HS6ST2: variants seen among roughly 807,000 people sequenced by gnomAD.
HS6ST2 encodes heparan-sulfate 6-O-sulfotransferase 2.
Under a neutral mutation model 33.0 loss-of-function variants are expected in HS6ST2, and 17 were observed. That is an observed-to-expected ratio of 0.52 (90% CI 0.35 to 0.77). HS6ST2 has a LOEUF of 0.77. Among genes scored for constraint, HS6ST2 ranks in the 30% least tolerant of loss-of-function variants. The probability of loss-of-function intolerance (pLI) is 0.01; values close to 1 mark genes in which losing one functional copy is unlikely to be tolerated. For synonymous variants in HS6ST2, 248 were observed against 237.1 expected (o/e 1.05, Z -0.42); for missense variants, 519 against 551.7 (o/e 0.94, Z 0.59).
chrX:132,947,230 C>T (rs778129330), intron 2 of HS6ST2, among the ~76,000 whole-genome samples: 16 of 106,536 alleles, frequency 1.5e-4, no homozygotes, highest in African/African-American at 4.4e-4. Flanking sequence ...TGTGTGTGTG[C>T]GTGTATGTGT....
At chrX:132,650,318 G>A (rs984196977) in intron 4 of HS6ST2, among the ~76,000 whole-genome samples, 26 of 111,156 alleles carry the variant, frequency 2.3e-4, no homozygotes, top group African/African-American at 8.5e-4. Context: ...AGAACAGTAT[G>A]AGCCAAGGTA....
intron 4 of HS6ST2, 128 bp from the exon 5 acceptor site, chrX:132,629,221 T>TTACA: frequency 1.4e-6 from 1 of 735,390 alleles, no homozygotes; most frequent in Admixed American, 3.4e-5. Flanking sequence ...AGGGATCTGA[T>TTACA]GGCATTTGTC....
At chrX:132,922,545 C>G (rs1479386766) in intron 2 of HS6ST2, among the ~76,000 whole-genome samples, 1 of 111,874 alleles carries the variant, frequency 8.9e-6, no homozygotes, top group Non-Finnish European at 1.9e-5. Context: ...AAGAGTTAAA[C>G]TCTGTAAGAT....
At chrX:132,699,716 T>C (rs2064128851) in intron 3 of HS6ST2, among the ~76,000 whole-genome samples, 1 of 112,060 alleles carries the variant, frequency 8.9e-6, no homozygotes, top group Admixed American at 9.5e-5. Context: ...AAGTGGATTA[T>C]GGTCTAAAAG....
At chrX:132,932,286 C>A (rs1288062233) in intron 2 of HS6ST2, among the ~76,000 whole-genome samples, 1 of 110,643 alleles carries the variant, frequency 9.0e-6, no homozygotes, top group South Asian at 3.9e-4. Context: ...CAGCAATCAC[C>A]CAACAATTAG....
Position 132,633,092 on chromosome X carries a change from A to G in HS6ST2, c.1068-3999T>C, listed in dbSNP as rs2063529942. Among the ~76,000 whole-genome samples the G allele has an allele frequency of 3.7e-5, 4 of 108,067 alleles. No individual in the cohort carries two copies. In the South Asian group the frequency reaches 1.7e-3, roughly 45 times the overall value. The allele number at this position is 108,067 out of a possible 115,157, so 93.8% of individuals were successfully genotyped here. On this transcript the variant is annotated intron_variant, in intron 4 of 4. Transcript: ENST00000370833. ...GACTCCATCTCAAAAAAAAAAAAAA[A>G]AAAATGAGTCAAGGAGAGAGGAAAG...
rs1315491543 is a variant in HS6ST2 at position 132,649,711 on chromosome X, A to G, written c.1067+19402T>C. On this transcript the variant is annotated intron_variant, in intron 4 of 4. Transcript: ENST00000370833. ...TGTGTCTACTAAAAATACAAAAATTAGCTGGGCGCAGTGGCGGCCACCTGT... is the reference window on the plus strand; with the variant it reads ...TGTGTCTACTAAAAATACAAAAATTGGCTGGGCGCAGTGGCGGCCACCTGT... Among the ~76,000 whole-genome samples the G allele has an allele frequency of 2.7e-5, 3 of 111,277 alleles. No homozygotes were observed. In the Admixed American group the frequency reaches 2.9e-4, roughly 11 times the overall value.
At chrX:132,731,629 C>T (rs1375024612) in intron 2 of HS6ST2, among the ~76,000 whole-genome samples, 12 of 111,786 alleles carry the variant, frequency 1.1e-4, no homozygotes, top group African/African-American at 2.6e-4. Context: ...GGGCGGATCA[C>T]GAGGTCAGGA....
intron 2 of HS6ST2, among the ~76,000 whole-genome samples, chrX:132,719,557 C>A (rs1367290466): frequency 9.0e-6 from 1 of 111,657 alleles, no homozygotes; most frequent in African/African-American, 3.3e-5. Context: ...CAAGGTCATG[C>A]ATCTAAGACA....
intron 2 of HS6ST2, among the ~76,000 whole-genome samples, chrX:132,829,197 T>TAC (rs1158040792): frequency 3.2e-4 from 16 of 50,264 alleles, no homozygotes; most frequent in Middle Eastern, 0.011. Context: ...TATATATATA[T>TAC]ATACATACTT....
intron 2 of HS6ST2, among the ~76,000 whole-genome samples, chrX:132,896,192 C>T (rs1223399476): frequency 1.8e-5 from 2 of 110,628 alleles, no homozygotes; most frequent in African/African-American, 3.3e-5. Flanking sequence ...AAGAATGAGC[C>T]GGGAGTGTTG....
intron 2 of HS6ST2, among the ~76,000 whole-genome samples, chrX:132,891,363 G>C (rs1810151256): frequency 1.0e-5 from 1 of 96,284 alleles, no homozygotes; most frequent in Non-Finnish European, 2.1e-5. Flanking sequence ...TTAACTGAAA[G>C]AACAAAAGTT....
chrX:132,656,124 T>C (rs946477326), intron 4 of HS6ST2, among the ~76,000 whole-genome samples: 16 of 111,939 alleles, frequency 1.4e-4, no homozygotes, highest in African/African-American at 5.2e-4. Flanking sequence ...CTCCAAGTGT[T>C]TCAGATTCAG....
intron 2 of HS6ST2, among the ~76,000 whole-genome samples, chrX:132,872,109 A>G (rs1429313190): frequency 9.0e-6 from 1 of 111,097 alleles, no homozygotes; most frequent in African/African-American, 3.3e-5. Context: ...TTCCAGTATT[A>G]TTCTGGGGCA....
intron 2 of HS6ST2, among the ~76,000 whole-genome samples, chrX:132,823,725 C>G (rs749208665): frequency 1.9e-3 from 198 of 103,220 alleles, no homozygotes; most frequent in African/African-American, 6.6e-3. Context: ...AAAAAACCCA[C>G]CTGTAGACCC....
intron 2 of HS6ST2, among the ~76,000 whole-genome samples, chrX:132,892,744 G>A (rs908838572): frequency 2.0e-4 from 22 of 111,774 alleles, no homozygotes; most frequent in Admixed American, 1.9e-3. Context: ...ATCTGAACCT[G>A]GGAGGTGGAA....
At chrX:132,786,543 C>A (rs748103600) in intron 2 of HS6ST2, among the ~76,000 whole-genome samples, 1 of 111,453 alleles carries the variant, frequency 9.0e-6, no homozygotes, top group African/African-American at 3.3e-5. Flanking sequence ...CTCCTCTCTG[C>A]GGTTTTGCCA....
chrX:132,928,683 T>G (rs1413578805), intron 2 of HS6ST2, among the ~76,000 whole-genome samples: 1 of 111,459 alleles, frequency 9.0e-6, no homozygotes, highest in East Asian at 2.8e-4. Context: ...CACAGCAACC[T>G]GTGCTCACCT....
chrX:132,819,190 C>T (rs2065427073), intron 2 of HS6ST2, among the ~76,000 whole-genome samples: 1 of 111,023 alleles, frequency 9.0e-6, no homozygotes, highest in Non-Finnish European at 1.9e-5. Flanking sequence ...TGTTGCAAAG[C>T]AGTGTTGGGA....
Sources: allele counts gnomAD v4.1 joint callset (sites outside exome capture counted in the v4.1 genomes callset), GRCh38; gene constraint gnomAD v4.1.1; transcripts MANE v1.5; gene names NCBI Gene and HGNC (gene_info 2026-07-23, HGNC 2026-07-21).